GPD2: variants seen among roughly 807,000 people sequenced by gnomAD.
GPD2 encodes glycerol-3-phosphate dehydrogenase, mitochondrial.
In GPD2, 54 loss-of-function variants were observed where a neutral mutation model predicts 82.4. That is an observed-to-expected ratio of 0.66 (90% CI 0.53 to 0.82). The LOEUF is 0.82. Ranked by LOEUF, GPD2 falls within the 40% of genes least tolerant of loss-of-function variation. GPD2 has a pLI of 0.00. For synonymous variants in GPD2, 288 were observed against 306.1 expected, an observed-to-expected ratio of 0.94 and a Z score of 0.62; for missense variants, 748 against 896.2, an observed-to-expected ratio of 0.83 and a Z score of 2.11.
At chr2:156,443,528 C>T (rs1462120283) in intron 1 of GPD2, among the ~76,000 whole-genome samples, 2 of 152,226 alleles carry the variant, frequency 1.3e-5, no homozygotes, top group Non-Finnish European at 2.9e-5. Flanking sequence ...CAACTGGATA[C>T]TTTAAGCTTC....
intron 6 of GPD2, among the ~76,000 whole-genome samples, chr2:156,533,746 G>A (rs1244550530): frequency 6.6e-6 from 1 of 152,192 alleles, no homozygotes; most frequent in African/African-American, 2.4e-5. Context: ...AATTGGAATG[G>A]GAGAGTTCTC....
At chr2:156,482,508 G>A (rs1485084729) in intron 2 of GPD2, among the ~76,000 whole-genome samples, 1 of 152,066 alleles carries the variant, frequency 6.6e-6, no homozygotes, top group African/African-American at 2.4e-5. Context: ...TTGGAATTCT[G>A]TGGTGAAACA....
At chr2:156,404,521 G>C in the GPD2 span, among the ~76,000 whole-genome samples, 1 of 152,026 alleles carries the variant, frequency 6.6e-6, no homozygotes, top group Admixed American at 6.6e-5. Context: ...CCCAGGATGT[G>C]ATATAGACTA....
the GPD2 span, among the ~76,000 whole-genome samples, chr2:156,405,388 A>T: frequency 6.6e-6 from 1 of 152,152 alleles, no homozygotes; most frequent in Non-Finnish European, 1.5e-5. Context: ...GAAGTCAATC[A>T]CCTGATGGGT....
intron 1 of GPD2, among the ~76,000 whole-genome samples, chr2:156,455,891 C>T (rs549161208): frequency 1.8e-4 from 27 of 152,352 alleles, no homozygotes; most frequent in African/African-American, 6.5e-4. Context: ...TGAAAACTCA[C>T]TGCATATTTG....
At chr2:156,518,075 A>T (rs1374499159) in intron 6 of GPD2, among the ~76,000 whole-genome samples, 1 of 152,210 alleles carries the variant, frequency 6.6e-6, no homozygotes, top group East Asian at 1.9e-4. Context: ...TGTAAATAAA[A>T]GTTGGTTACA....
the GPD2 span, among the ~76,000 whole-genome samples, chr2:156,421,989 T>C: frequency 6.6e-6 from 1 of 152,168 alleles, no homozygotes; most frequent in Non-Finnish European, 1.5e-5. Context: ...TAGCTAGGCA[T>C]GGTGGTGCAT....
chr2:156,561,292 C>T (rs910712108), intron 9 of GPD2, among the ~76,000 whole-genome samples: 3 of 151,926 alleles, frequency 2.0e-5, no homozygotes, highest in Admixed American at 6.6e-5. Context: ...GTGATCCACC[C>T]GCCTTGGCCT....
At chr2:156,536,234 CAG>C (rs1173612469) in intron 6 of GPD2, among the ~76,000 whole-genome samples, 1 of 152,160 alleles carries the variant, frequency 6.6e-6, no homozygotes, top group African/African-American at 2.4e-5. Flanking sequence ...TAGTGCTCCT[CAG>C]AAGTTTTGAG....
intron 1 of GPD2, among the ~76,000 whole-genome samples, chr2:156,474,228 C>T (rs1429455565): frequency 6.6e-6 from 1 of 152,032 alleles, no homozygotes; most frequent in Non-Finnish European, 1.5e-5. Flanking sequence ...AAAAATGCCA[C>T]CACATATCAG....
intron 6 of GPD2, among the ~76,000 whole-genome samples, chr2:156,523,763 T>C (rs2105292425): frequency 6.6e-6 from 1 of 152,246 alleles, no homozygotes; most frequent in East Asian, 1.9e-4. Flanking sequence ...AGGCTGGTCT[T>C]GAACTCCTGG....
At chr2:156,432,455 C>T (rs1688328962), upstream of GPD2, among the ~76,000 whole-genome samples, 1 of 152,118 alleles carries the variant, frequency 6.6e-6, no homozygotes. Flanking sequence ...ATCTTTATGT[C>T]TGAGTGAAAC....
the GPD2 span, among the ~76,000 whole-genome samples, chr2:156,402,379 G>C: frequency 6.6e-6 from 1 of 152,132 alleles, no homozygotes; most frequent in Non-Finnish European, 1.5e-5. Flanking sequence ...GACAAATACA[G>C]AATTATAAAG....
chr2:156,550,662 CTG>C lies in GPD2; in HGVS notation c.890_891del (p.Val297AlafsTer5), dbSNP rs1686722226. 3 of 1,613,770 alleles carry C rather than the reference CTG, an allele frequency of 1.9e-6. No homozygotes were observed. Among genetic ancestry groups the C allele is most frequent in the Non-Finnish European group, 2.5e-6 (3 of 1,179,802 alleles). ...AATGCCACGGGACCTTTCACGGACT[CTG>C]TGCGCAAAATGGATGATAAAGACGC... is the stretch of plus-strand genomic sequence containing the variant. On this transcript the variant is annotated frameshift_variant, in exon 8 of 17. Transcript: ENST00000438166. LOFTEE classifies it high-confidence loss of function.
intron 2 of GPD2, among the ~76,000 whole-genome samples, chr2:156,482,040 G>A (rs1045270788): frequency 1.5e-4 from 23 of 152,180 alleles, no homozygotes; most frequent in Non-Finnish European, 1.5e-5. Flanking sequence ...AAGCCTGGGA[G>A]AGTTCCTGGA....
intron 9 of GPD2, among the ~76,000 whole-genome samples, chr2:156,558,831 T>TG (rs1417389985): frequency 3.6e-5 from 5 of 139,964 alleles, no homozygotes; most frequent in Non-Finnish European, 6.1e-5. Context: ...TTGGCCAGGT[T>TG]GGTCTCAAAC....
intron 13 of GPD2, among the ~76,000 whole-genome samples, chr2:156,572,570 G>A (rs974890677): frequency 6.6e-6 from 1 of 152,096 alleles, no homozygotes; most frequent in Non-Finnish European, 1.5e-5. Context: ...GGGAAGGCTT[G>A]GGCTAGAGAT....
At chr2:156,427,249 G>A in the GPD2 span, among the ~76,000 whole-genome samples, 3 of 152,226 alleles carry the variant, frequency 2.0e-5, no homozygotes, top group African/African-American at 7.2e-5. Flanking sequence ...AGGAGCTGGA[G>A]AAATAAGTTC....
intron 16 of GPD2, among the ~76,000 whole-genome samples, chr2:156,582,406 A>G (rs956955693): frequency 2.6e-5 from 4 of 151,240 alleles, no homozygotes; most frequent in African/African-American, 9.7e-5. Context: ...AATATAGGTC[A>G]TGGTTTGTCT....
Sources: gnomAD v4.1 joint callset for allele counts (sites outside exome capture counted in the v4.1 genomes callset) on GRCh38, gnomAD v4.1.1 for gene constraint, MANE v1.5 for transcripts, NCBI Gene and HGNC (gene_info 2026-07-23, HGNC 2026-07-21) for gene names.